MEIOB: variants seen among roughly 807,000 people sequenced by gnomAD.
The protein encoded by MEIOB is meiosis specific with OB-fold.
A neutral mutation model predicts 53.1 loss-of-function variants in MEIOB; 50 were observed. That is an observed-to-expected ratio of 0.94 (90% CI 0.75 to 1.19). The LOEUF is 1.19. Ranked by LOEUF, MEIOB falls within the 50% of genes most tolerant of loss-of-function variation. The pLI, the probability that MEIOB is intolerant of heterozygous loss-of-function variation, is 0.00. For synonymous variants in MEIOB, 192 were observed against 182.5 expected, an observed-to-expected ratio of 1.05 and a Z score of -0.42; for missense variants, 551 against 550.8, an observed-to-expected ratio of 1.00 and a Z score of 0.00.
At chr16:1,849,733 A>C (rs1403156044) in intron 9 of MEIOB, among the ~76,000 whole-genome samples, 6 of 152,150 alleles carry the variant, frequency 3.9e-5, no homozygotes, top group Non-Finnish European at 8.8e-5. Flanking sequence ...TTCTCCTTTA[A>C]ATCTGTTTCC....
At chr16:1,853,897 A>AT (rs763341750) in intron 7 of MEIOB, among the ~76,000 whole-genome samples, 91 of 152,358 alleles carry the variant, frequency 6.0e-4, no homozygotes, top group Non-Finnish European at 1.2e-3. Context: ...CCCCTAAGCA[A>AT]TTCCATGCCA....
At chr16:1,865,467 A>ATGCT (rs1567281893) in intron 3 of MEIOB, among the ~76,000 whole-genome samples, 1 of 89,404 alleles carries the variant, frequency 1.1e-5, no homozygotes, top group Non-Finnish European at 2.3e-5. Flanking sequence ...ACTCAAATAT[A>ATGCT]CATATATACA....
intron 3 of MEIOB, among the ~76,000 whole-genome samples, chr16:1,865,129 GT>G (rs905546039): frequency 1.3e-5 from 2 of 151,662 alleles, no homozygotes; most frequent in South Asian, 4.2e-4. Flanking sequence ...ACAAATTTTT[GT>G]TTTTTTTAAA....
chr16:1,846,499 A>C (rs778065872), intron 9 of MEIOB, among the ~76,000 whole-genome samples: 1 of 152,234 alleles, frequency 6.6e-6, no homozygotes, highest in Non-Finnish European at 1.5e-5. Flanking sequence ...CCAGGAAATT[A>C]AAAGTAAAAC....
At chr16:1,850,217 T>C (rs1227478026) in intron 9 of MEIOB, among the ~76,000 whole-genome samples, 1 of 152,220 alleles carries the variant, frequency 6.6e-6, no homozygotes, top group Non-Finnish European at 1.5e-5. Flanking sequence ...ATCTGTCTTT[T>C]AGAAACTTTT....
rs779805893 is a variant in MEIOB at position 1,834,284 on chromosome 16, C to A, written c.1388G>T (p.Arg463Ile). The change falls in exon 14 of 14, where the codon AGA (arginine) becomes ATA (isoleucine). Residue 463 changes from arginine to isoleucine, a missense_variant. Arg to Ile is a moderately conservative substitution (Grantham distance 97). Transcript: ENST00000325962. ...CKLADPTEAS[R>I]NLSGQKHV Reference sequence around the variant, plus strand: ...AACATGTTTTTGTCCAGACAAGTTTCTGCTTGCCTCAGTAGGATCTGCAAG... The same window carrying A: ...AACATGTTTTTGTCCAGACAAGTTTATGCTTGCCTCAGTAGGATCTGCAAG... 1.2e-6 allele frequency: 2 copies of A among 1,610,864 alleles called. No homozygotes were observed. Among genetic ancestry groups the A allele is most frequent in the Non-Finnish European group, 1.7e-6 (2 of 1,177,370 alleles).
chr16:1,861,434 T>G (rs560155565), intron 4 of MEIOB, among the ~76,000 whole-genome samples: 2 of 151,824 alleles, frequency 1.3e-5, no homozygotes, highest in South Asian at 4.1e-4. Flanking sequence ...TGGTGCAAAT[T>G]GAAATATGTA....
chr16:1,852,098 G>T (rs778534166), intron 9 of MEIOB, among the ~76,000 whole-genome samples: 1 of 152,226 alleles, frequency 6.6e-6, no homozygotes, highest in South Asian at 2.1e-4. Context: ...CTGTGTGCAC[G>T]CATGCATGTG....
Position 1,839,319 on chromosome 16 carries a change from T to G in MEIOB, c.1154A>C (p.His385Pro). The G allele has an allele frequency of 6.2e-7, 1 of 1,614,222 alleles. No homozygotes were observed. Among genetic ancestry groups the G allele is most frequent in the Non-Finnish European group, 8.5e-7 (1 of 1,180,038 alleles). ...ACTACAGGAATGAAGGGTGCCTGTG[T>G]GATCAGTCAGATCAATCAGCACATG... ...SFHVLIDLTD[H>P]TGTLHSCSLT... Residue 385 changes from histidine to proline, a missense_variant, in exon 12 of 14, where the codon CAC becomes CCC. Physicochemically the swap from His to Pro is moderately conservative, Grantham distance 77. Coordinates refer to ENST00000325962, the MANE Select transcript of MEIOB (RefSeq NM_001163560.3).
In MEIOB at chr16:1,839,441, G is replaced by A; in HGVS notation, c.1035-3C>T. On this transcript the variant is annotated splice_region_variant and splice_polypyrimidine_tract_variant and intron_variant, in intron 11 of 13. Coordinates refer to ENST00000325962, the MANE Select transcript of MEIOB (RefSeq NM_001163560.3). ...TTACAATATAACCACAGCTGGAACT[G>A]AAAAGAAACAAAGACAATGATAAAA... 2 of 1,602,210 alleles carry A rather than the reference G, an allele frequency of 1.2e-6. No homozygotes were observed. Among genetic ancestry groups the A allele is most frequent in the African/African-American group, 2.7e-5 (2 of 74,386 alleles).
intron 5 of MEIOB, among the ~76,000 whole-genome samples, chr16:1,859,808 C>T (rs930681793): frequency 7.2e-5 from 11 of 152,120 alleles, no homozygotes; most frequent in African/African-American, 2.2e-4. Flanking sequence ...CTGCCAGACC[C>T]GCCTTTGAGC....
At chr16:1,852,707 C>G (rs1042824241) in intron 9 of MEIOB, among the ~76,000 whole-genome samples, 2 of 151,880 alleles carry the variant, frequency 1.3e-5, no homozygotes, top group African/African-American at 4.8e-5. Flanking sequence ...AGGCGCCCAC[C>G]ACCAAGCCCA....
rs1005607978 is a variant in MEIOB, at chr16:1,862,251, T to C, written c.128-135A>G. ...ATTTGTTTAATCAAATAACTATTGA[T>C]TATGATAATAAAAATACTCAAATAC... On this transcript the variant is annotated intron_variant, in intron 3 of 13. Transcript: ENST00000325962. 25 of 677,056 alleles carry C rather than the reference T, an allele frequency of 3.7e-5. No individual in the cohort carries two copies. The Admixed American group carries it at 7.6e-4, about 20-fold the overall frequency. The allele number at this position is 677,056 out of a possible 1,614,324, so 41.9% of individuals were successfully genotyped here. A position where few individuals can be genotyped will look rare whatever the true frequency, so the allele number is the denominator to read the frequency against.
chr16:1,850,687 G>T (rs1324809804), intron 9 of MEIOB, among the ~76,000 whole-genome samples: 1 of 152,070 alleles, frequency 6.6e-6, no homozygotes, highest in Non-Finnish European at 1.5e-5. Context: ...TTGGGAGGCT[G>T]AGGCAGGCAG....
At chr16:1,864,425 A>G (rs925519496) in intron 3 of MEIOB, among the ~76,000 whole-genome samples, 1 of 152,096 alleles carries the variant, frequency 6.6e-6, no homozygotes, top group Non-Finnish European at 1.5e-5. Context: ...CAAACAACAC[A>G]GAAGTTTTTC....
chr16:1,847,903 C>G (rs1031336124), intron 9 of MEIOB, among the ~76,000 whole-genome samples: 3 of 152,092 alleles, frequency 2.0e-5, no homozygotes, highest in African/African-American at 7.2e-5. Flanking sequence ...ATAATGCCAA[C>G]ATTTTAAAAA....
chr16:1,843,798 C>T (rs1467916725), intron 10 of MEIOB, among the ~76,000 whole-genome samples: 1 of 149,446 alleles, frequency 6.7e-6, no homozygotes, highest in Non-Finnish European at 1.5e-5. Context: ...ATAAACTTTA[C>T]AAAACTAAAG....
At chr16:1,851,393 ACT>A (rs1306007133) in intron 9 of MEIOB, among the ~76,000 whole-genome samples, 3 of 152,002 alleles carry the variant, frequency 2.0e-5, no homozygotes, top group African/African-American at 4.8e-5. Context: ...GGTCCTCCTG[ACT>A]CTGTTCCACC....
intron 9 of MEIOB, among the ~76,000 whole-genome samples, chr16:1,852,771 G>C (rs968644811): frequency 2.0e-5 from 3 of 151,694 alleles, no homozygotes; most frequent in Middle Eastern, 6.4e-3. Flanking sequence ...GGCCAGTCTG[G>C]TCTTGAACTC....
Sources: gnomAD v4.1 joint callset for allele counts (sites outside exome capture counted in the v4.1 genomes callset) on GRCh38, gnomAD v4.1.1 for gene constraint, MANE v1.5 for transcripts, NCBI Gene and HGNC (gene_info 2026-07-23, HGNC 2026-07-21) for gene names.